SLC71A1: variants seen among roughly 807,000 people sequenced by gnomAD.
SLC71A1 encodes the protein hippocampus abundant gene transcript 1.
the SLC71A1 span, among the ~76,000 whole-genome samples, chr1:100,076,222 G>A: frequency 6.6e-6 from 1 of 152,100 alleles, no homozygotes; most frequent in South Asian, 2.1e-4. Flanking sequence ...TCAATTTAAA[G>A]AATTCAAAAC....
chr1:100,053,736 C>A, the SLC71A1 span, among the ~76,000 whole-genome samples: 1 of 152,250 alleles, frequency 6.6e-6, no homozygotes, highest in African/African-American at 2.4e-5. Context: ...TTTAAGCCCT[C>A]ATAGAACAGT....
the SLC71A1 span, among the ~76,000 whole-genome samples, chr1:100,072,173 C>G: frequency 6.6e-6 from 1 of 152,164 alleles, no homozygotes; most frequent in Non-Finnish European, 1.5e-5. Context: ...CAGAAATATA[C>G]AATTGAGAAT....
chr1:100,079,676 T>TTCGAGATCAGCCTGGCCAACA, the SLC71A1 span: 1 of 151,366 alleles, frequency 6.6e-6, no homozygotes, highest in African/African-American at 2.4e-5. Context: ...AGGTCAGGAG[T>TTCGAGATCAGCCTGGCCAACA]TCGAGATCAG....
the SLC71A1 span, among the ~76,000 whole-genome samples, chr1:100,051,897 C>T: frequency 3.5e-4 from 53 of 152,292 alleles, no homozygotes; most frequent in African/African-American, 1.3e-3. Flanking sequence ...AATACATTAT[C>T]ATTTTTCATC....
the SLC71A1 span, among the ~76,000 whole-genome samples, chr1:100,071,962 A>G: frequency 6.6e-6 from 1 of 152,232 alleles, no homozygotes; most frequent in African/African-American, 2.4e-5. Context: ...TAAGACCGCA[A>G]AGGTGCAAGC....
chr1:100,062,101 A>T, the SLC71A1 span: 5 of 549,322 alleles, frequency 9.1e-6, no homozygotes, highest in African/African-American at 9.8e-5. Context: ...TACATTTAAA[A>T]TTTTTTTGCG....
chr1:100,068,565 CT>C, the SLC71A1 span: 47 of 1,606,054 alleles, frequency 2.9e-5, no homozygotes, highest in Middle Eastern at 1.7e-4. Context: ...AATATTCCAG[CT>C]TTTTTTTATA....
chr1:100,073,921 A>G, the SLC71A1 span, among the ~76,000 whole-genome samples: 1 of 152,228 alleles, frequency 6.6e-6, no homozygotes, highest in East Asian at 1.9e-4. Flanking sequence ...ACACTTATAT[A>G]TTAAGTATTT....
At chr1:100,062,470 A>C in the SLC71A1 span, among the ~76,000 whole-genome samples, 1 of 152,216 alleles carries the variant, frequency 6.6e-6, no homozygotes, top group Admixed American at 6.5e-5. Context: ...CAACTCCTGG[A>C]CACTGTTTTG....
chr1:100,042,471 C>T, the SLC71A1 span, among the ~76,000 whole-genome samples: 1 of 152,166 alleles, frequency 6.6e-6, no homozygotes, highest in Non-Finnish European at 1.5e-5. Context: ...CACTCTTCAC[C>T]TGCAAGGATG....
chr1:100,040,550 T>C, the SLC71A1 span, among the ~76,000 whole-genome samples: 2 of 152,260 alleles, frequency 1.3e-5, no homozygotes, highest in Middle Eastern at 6.8e-3. Context: ...AACCACCGCC[T>C]CCTGGGTTCA....
chr1:100,064,557 C>G, the SLC71A1 span, among the ~76,000 whole-genome samples: 1 of 152,200 alleles, frequency 6.6e-6, no homozygotes, highest in African/African-American at 2.4e-5. Flanking sequence ...TGACCCCAAG[C>G]AACCAACAAT....
chr1:100,075,760 C>T, the SLC71A1 span, among the ~76,000 whole-genome samples: 2 of 152,154 alleles, frequency 1.3e-5, no homozygotes, highest in Non-Finnish European at 2.9e-5. Context: ...CTTACTGCAG[C>T]CTCGACCTCC....
chr1:100,067,185 T>G, the SLC71A1 span, among the ~76,000 whole-genome samples: 1 of 152,032 alleles, frequency 6.6e-6, no homozygotes, highest in Non-Finnish European at 1.5e-5. Flanking sequence ...TAGGATTTAT[T>G]GGAACAGAGG....
chr1:100,071,231 C>T, the SLC71A1 span, among the ~76,000 whole-genome samples: 5 of 148,510 alleles, frequency 3.4e-5, no homozygotes, highest in African/African-American at 5.0e-5. Flanking sequence ...GGTCAGGGAC[C>T]GCTTGAGCCC....
chr1:100,058,927 C>T, the SLC71A1 span, among the ~76,000 whole-genome samples: 14 of 151,952 alleles, frequency 9.2e-5, no homozygotes, highest in Admixed American at 6.6e-5. Context: ...TAAATATGAT[C>T]TAACTACAAT....
chr1:100,058,709 G>A, the SLC71A1 span: 2 of 1,582,230 alleles, frequency 1.3e-6, no homozygotes, highest in Non-Finnish European at 1.7e-6. Context: ...CTGATGAACG[G>A]CTTAATTCAA....
chr1:100,079,748 A>C, the SLC71A1 span: 1 of 152,236 alleles, frequency 6.6e-6, no homozygotes, highest in African/African-American at 2.4e-5. Context: ...CGTGGTGCAC[A>C]CCTGTAATCC....
the SLC71A1 span, chr1:100,078,376 A>T: frequency 1.1e-6 from 1 of 935,898 alleles, no homozygotes; most frequent in Non-Finnish European, 1.7e-6. Context: ...AGTAAGAATT[A>T]CTTAATTATG....
Sources: allele counts gnomAD v4.1 joint callset (sites outside exome capture counted in the v4.1 genomes callset), GRCh38; gene constraint gnomAD v4.1.1; transcripts MANE v1.5; gene names NCBI Gene and HGNC (gene_info 2026-07-23, HGNC 2026-07-21).